The following KCNIP4 variants were observed in gnomAD, a reference collection of about 807,000 sequenced individuals.
The protein encoded by KCNIP4 is potassium voltage-gated channel interacting protein 4.
Under a neutral mutation model 34.0 loss-of-function variants are expected in KCNIP4, and 12 were observed. That is an observed-to-expected ratio of 0.35 (90% CI 0.23 to 0.57). The LOEUF is 0.57. KCNIP4 is among the 20% of genes least tolerant of loss of function. The probability of loss-of-function intolerance (pLI) is 0.83; values close to 1 mark genes in which losing one functional copy is unlikely to be tolerated. For missense variants in KCNIP4, 238 were observed against 311.7 expected (o/e 0.76, Z 1.78); for synonymous variants, 124 against 102.2 (o/e 1.21, Z -1.29).
chr4:21,099,151 A>G (rs1487036454), intron 1 of KCNIP4, among the ~76,000 whole-genome samples: 1 of 152,228 alleles, frequency 6.6e-6, no homozygotes, highest in African/African-American at 2.4e-5. Context: ...TCATTCTATT[A>G]TAAAAATACA....
At position 21,562,318 on chromosome 4, in the gene KCNIP4, A is replaced by C. The variant is rs138360523; in HGVS notation, c.61+386253T>G. 3.7e-3 allele frequency among the ~76,000 whole-genome samples: 561 copies of C among 152,134 alleles called. 4 individuals are homozygous for C. Among genetic ancestry groups the C allele is most frequent in the Non-Finnish European group, 6.5e-3 (442 of 67,914 alleles). On this transcript the variant is annotated intron_variant, in intron 1 of 8. Transcript: ENST00000382152. ...TAAAGGAGTCAGAATGAATGCTTAG[A>C]GTTTAAGTGACTATCATCAACATTT...
chr4:21,142,035 C>A (rs1354660865), intron 1 of KCNIP4, among the ~76,000 whole-genome samples: 2 of 151,372 alleles, frequency 1.3e-5, no homozygotes, highest in African/African-American at 2.4e-5. Flanking sequence ...CCTGTAATCC[C>A]AGCTACTCGG....
In KCNIP4 at chr4:21,297,811, C is replaced by CA. The variant is rs367781855; in HGVS notation, c.62-415103dup. ...TAATGTCTCTACATAGAGCTAGAAG[C>CA]AAAAAAAAAATGAATCAGATTCTTA... On this transcript the variant is annotated intron_variant, in intron 1 of 8. Coordinates refer to ENST00000382152, the MANE Select transcript of KCNIP4 (RefSeq NM_025221.6). Among the ~76,000 whole-genome samples the CA allele has an allele frequency of 7.2e-3, 1,051 of 145,638 alleles. 7 individuals are homozygous for CA. Among genetic ancestry groups the CA allele is most frequent in the African/African-American group, 0.024 (937 of 39,642 alleles).
intron 1 of KCNIP4, among the ~76,000 whole-genome samples, chr4:21,514,759 T>C (rs534382928): frequency 6.6e-6 from 1 of 152,260 alleles, no homozygotes; most frequent in South Asian, 2.1e-4. Context: ...CAATTAGATA[T>C]TCTCAGATAT....
chr4:21,131,293 C>T (rs1359732848), intron 1 of KCNIP4, among the ~76,000 whole-genome samples: 1 of 151,976 alleles, frequency 6.6e-6, no homozygotes, highest in Non-Finnish European at 1.5e-5. Context: ...TGGAGCCAAT[C>T]GCAAAAAAGT....
intron 1 of KCNIP4, among the ~76,000 whole-genome samples, chr4:21,261,940 A>C (rs987701392): frequency 3.3e-5 from 5 of 152,172 alleles, no homozygotes; most frequent in African/African-American, 1.2e-4. Flanking sequence ...CAATGCCTGA[A>C]ATTTTCAAAT....
chr4:21,070,744 C>T (rs1374033786), intron 1 of KCNIP4, among the ~76,000 whole-genome samples: 2 of 122,584 alleles, frequency 1.6e-5, no homozygotes, highest in East Asian at 2.7e-4. Context: ...GGTGCAATCT[C>T]GGCTCACTGC....
chr4:20,916,193 T>G (rs1728795826), intron 1 of KCNIP4: 1 of 334,284 alleles, frequency 3.0e-6, no homozygotes, highest in Non-Finnish European at 4.3e-6. Flanking sequence ...CACAATCTCC[T>G]CTCTTATAAA....
chr4:21,314,348 G>A (rs1035934821), intron 1 of KCNIP4, among the ~76,000 whole-genome samples: 1 of 152,090 alleles, frequency 6.6e-6, no homozygotes, highest in Non-Finnish European at 1.5e-5. Context: ...CACCCATATA[G>A]GGTACCAAAA....
intron 1 of KCNIP4, among the ~76,000 whole-genome samples, chr4:21,633,666 A>C (rs1006567771): frequency 2.0e-5 from 3 of 152,140 alleles, no homozygotes; most frequent in African/African-American, 7.2e-5. Flanking sequence ...TTTTAGTCTT[A>C]GGACCTATTG....
chr4:21,048,900 A>T (rs1258494370), intron 1 of KCNIP4, among the ~76,000 whole-genome samples: 1 of 149,566 alleles, frequency 6.7e-6, no homozygotes, highest in Admixed American at 6.7e-5. Context: ...AGAGAGAGAG[A>T]GAGATCTAAA....
intron 1 of KCNIP4, among the ~76,000 whole-genome samples, chr4:21,452,114 G>A (rs1289625239): frequency 2.0e-5 from 3 of 151,922 alleles, no homozygotes; most frequent in Non-Finnish European, 2.9e-5. Context: ...CCACAGGGAC[G>A]TAGGCACTGA....
At chr4:21,538,840 A>G (rs1189808695) in intron 1 of KCNIP4, among the ~76,000 whole-genome samples, 1 of 152,208 alleles carries the variant, frequency 6.6e-6, no homozygotes, top group African/African-American at 2.4e-5. Context: ...AAACTGTTAC[A>G]TACATTGTAA....
At chr4:21,631,372 T>C (rs1560577020) in intron 1 of KCNIP4, among the ~76,000 whole-genome samples, 1 of 152,196 alleles carries the variant, frequency 6.6e-6, no homozygotes, top group South Asian at 2.1e-4. Context: ...TTACTAAAAA[T>C]GGTAGTTATG....
At chr4:21,853,769 A>G (rs1724565443) in intron 1 of KCNIP4, among the ~76,000 whole-genome samples, 2 of 152,234 alleles carry the variant, frequency 1.3e-5, no homozygotes, top group South Asian at 4.1e-4. Flanking sequence ...TAAGAAAACA[A>G]GGTTAAGCAT....
chr4:21,284,424 G>GA (rs905177772), intron 1 of KCNIP4, among the ~76,000 whole-genome samples: 1 of 152,070 alleles, frequency 6.6e-6, no homozygotes, highest in Non-Finnish European at 1.5e-5. Context: ...TGTCATTCCA[G>GA]AAAAAAGAAG....
At chr4:21,040,954 T>A (rs1453415183) in intron 1 of KCNIP4, among the ~76,000 whole-genome samples, 11 of 143,048 alleles carry the variant, frequency 7.7e-5, no homozygotes, top group Non-Finnish European at 9.1e-5. Context: ...TGAAACAGAG[T>A]AAAAAAAAAA....
intron 1 of KCNIP4, among the ~76,000 whole-genome samples, chr4:21,478,135 G>C (rs1731142217): frequency 1.3e-5 from 2 of 151,782 alleles, no homozygotes; most frequent in African/African-American, 4.8e-5. Context: ...ACTTCTATTT[G>C]ATATGTTTTG....
intron 1 of KCNIP4, among the ~76,000 whole-genome samples, chr4:21,118,815 G>A (rs955638471): frequency 3.3e-5 from 5 of 152,110 alleles, no homozygotes; most frequent in African/African-American, 1.2e-4. Flanking sequence ...AGAGGGAATG[G>A]CACCTGCATC....
Sources: gnomAD v4.1 joint callset for allele counts (sites outside exome capture counted in the v4.1 genomes callset) on GRCh38, gnomAD v4.1.1 for gene constraint, MANE v1.5 for transcripts, NCBI Gene and HGNC (gene_info 2026-07-23, HGNC 2026-07-21) for gene names.